CFAP47: variants seen among roughly 807,000 people sequenced by gnomAD.
CFAP47 encodes the protein cilia- and flagella-associated protein 47.
CFAP47 carries 29 observed loss-of-function variants against 148.1 expected under a neutral mutation model. That is an observed-to-expected ratio of 0.20 (90% CI 0.15 to 0.27). The LOEUF is 0.27. CFAP47 is among the 10% of genes least tolerant of loss of function. The probability of loss-of-function intolerance (pLI) is 1.00; values close to 1 mark genes in which losing one functional copy is unlikely to be tolerated. For synonymous variants in CFAP47, 664 were observed against 577.3 expected (o/e 1.15, Z -2.15); for missense variants, 1,872 against 1,697.5 (o/e 1.10, Z -1.81).
At chrX:36,096,837 T>A (rs1484705341) in intron 30 of CFAP47, among the ~76,000 whole-genome samples, 1 of 111,382 alleles carries the variant, frequency 9.0e-6, no homozygotes, top group Non-Finnish European at 1.9e-5. Flanking sequence ...TCCATTTACA[T>A]TCAATGCTAT....
rs146298634 is a variant in CFAP47 at position 35,927,997 on chromosome X, TTATATA to T, written c.401+1841_401+1846del. Among the ~76,000 whole-genome samples the T allele has an allele frequency of 3.3e-3, 340 of 102,957 alleles. 2 individuals are homozygous for T. The highest frequency in any genetic ancestry group is 0.011 in the African/African-American group (327 of 28,499). 89.4% of individuals were successfully genotyped at this position (102,957 alleles called of 115,157 possible). On this transcript the variant is annotated intron_variant, in intron 2 of 63. Transcript: ENST00000378653. ...TTTTATTGCTGAGTAGTATTCTATTTTATATATATATATATATGTATATATATATAT... is the reference window on the plus strand; with the variant it reads ...TTTTATTGCTGAGTAGTATTCTATTTTATATATATATGTATATATATATAT...
chrX:35,953,458 A>G (rs749050542), intron 6 of CFAP47, 134 bp from the exon 7 acceptor site: 60 of 469,463 alleles, frequency 1.3e-4, no homozygotes, highest in Non-Finnish European at 1.9e-4. Context: ...TGGATAATGG[A>G]TTACAGTTGT....
intron 38 of CFAP47, 61 bp from the exon 39 acceptor site, chrX:36,160,620 T>C (rs1939418362): frequency 3.5e-6 from 1 of 284,110 alleles, no homozygotes; most frequent in African/African-American, 2.8e-5. Context: ...TTATATTTTA[T>C]AATTCAGAAA....
intron 13 of CFAP47, among the ~76,000 whole-genome samples, chrX:35,974,304 A>G (rs1306438615): frequency 3.6e-5 from 4 of 111,778 alleles, no homozygotes; most frequent in Non-Finnish European, 7.5e-5. Flanking sequence ...AAGAAGTGCT[A>G]TACAATATAC....
intron 1 of CFAP47, 39 bp downstream of exon 1, chrX:35,920,087 G>C (rs749825592): frequency 6.1e-6 from 7 of 1,140,098 alleles, no homozygotes; most frequent in Non-Finnish European, 7.0e-6. Flanking sequence ...GACCTTGTGA[G>C]AGCGCCTCCT....
chrX:36,098,742 A>G (rs776469136), intron 30 of CFAP47, 51 bp from the exon 31 acceptor site: 8 of 607,373 alleles, frequency 1.3e-5, no homozygotes, highest in South Asian at 3.6e-5. Context: ...CAAATCATAT[A>G]TAGAACATGT....
At chrX:36,145,951 C>A (rs1347615899) in intron 36 of CFAP47, among the ~76,000 whole-genome samples, 3 of 110,072 alleles carry the variant, frequency 2.7e-5, no homozygotes, top group Non-Finnish European at 3.8e-5. Flanking sequence ...AAAGCCTCCT[C>A]TTCTTTGTGT....
At chrX:36,309,270 A>T (rs1941374889) in intron 55 of CFAP47, among the ~76,000 whole-genome samples, 1 of 111,052 alleles carries the variant, frequency 9.0e-6, no homozygotes, top group Non-Finnish European at 1.9e-5. Context: ...GTGGTTTTAC[A>T]ATCCAGCGTG....
Position 35,951,942 on chromosome X carries a change from T to C in CFAP47, c.1025T>C (p.Ile342Thr). 8.6e-7 allele frequency: 1 copy of C among 1,164,773 alleles called. No homozygotes were observed. Among genetic ancestry groups the C allele is most frequent in the Non-Finnish European group, 1.1e-6 (1 of 880,887 alleles). Residue 342 changes from isoleucine to threonine, a missense_variant, in exon 6 of 64, where the codon ATT (isoleucine) becomes ACT (threonine). Physicochemically the swap from Ile to Thr is moderately conservative, Grantham distance 89 (BLOSUM62 -1). Coordinates refer to ENST00000378653, the MANE Select transcript of CFAP47 (RefSeq NM_001304548.2). Reference sequence around the variant, plus strand: ...TTACAACCTTATCAAAAGACTGTAATTACATTTTGTTTCACCCCAAAGTAA... The same window carrying C: ...TTACAACCTTATCAAAAGACTGTAACTACATTTTGTTTCACCCCAAAGTAA... Reference protein sequence around the residue: ...GTLQPYQKTVITFCFTPKLMA... With the variant: ...GTLQPYQKTVTTFCFTPKLMA...
chrX:36,172,760 CT>C (rs1204648661), intron 39 of CFAP47, among the ~76,000 whole-genome samples: 1 of 111,275 alleles, frequency 9.0e-6, no homozygotes, highest in African/African-American at 3.3e-5. Context: ...CTAAAATTCT[CT>C]TTTTTGGTTG....
intron 21 of CFAP47, among the ~76,000 whole-genome samples, chrX:36,013,199 A>G (rs1937059164): frequency 9.0e-6 from 1 of 111,405 alleles, no homozygotes; most frequent in Non-Finnish European, 1.9e-5. Flanking sequence ...TTTCTCTTTG[A>G]TGCAGACTCT....
At chrX:35,978,969 T>C (rs1025301892) in intron 15 of CFAP47, among the ~76,000 whole-genome samples, 1 of 111,219 alleles carries the variant, frequency 9.0e-6, no homozygotes, top group African/African-American at 3.3e-5. Context: ...TAAGAGTGGA[T>C]TGATATTTTC....
chrX:36,319,485 T>C (rs1941461584), intron 57 of CFAP47, among the ~76,000 whole-genome samples, 178 bp downstream of exon 57: 1 of 110,078 alleles, frequency 9.1e-6, no homozygotes, highest in African/African-American at 3.3e-5. Flanking sequence ...CATATATATA[T>C]ATATATATTA....
At chrX:36,032,145 T>A (rs2146719835) in intron 23 of CFAP47, among the ~76,000 whole-genome samples, 1 of 111,390 alleles carries the variant, frequency 9.0e-6, no homozygotes, top group African/African-American at 3.2e-5. Context: ...AAGGCAACTT[T>A]AATTAACTGA....
chrX:36,138,510 C>A (rs1939085663), intron 35 of CFAP47, 46 bp downstream of exon 35: 2 of 1,081,412 alleles, frequency 1.8e-6, no homozygotes, highest in African/African-American at 2.0e-5. Flanking sequence ...TTATAAATTT[C>A]TTTTGATAGC....
At chrX:35,964,895 C>G (rs1398152990) in intron 8 of CFAP47, among the ~76,000 whole-genome samples, 1 of 111,046 alleles carries the variant, frequency 9.0e-6, no homozygotes, top group Non-Finnish European at 1.9e-5. Flanking sequence ...ACCTGTTTCC[C>G]TTCAGTTCTT....
chrX:35,929,758 G>A (rs1274480272), intron 2 of CFAP47, among the ~76,000 whole-genome samples: 1 of 111,205 alleles, frequency 9.0e-6, no homozygotes, highest in African/African-American at 3.3e-5. Flanking sequence ...CAGCACCTCG[G>A]GAGGCTGAGG....
intron 57 of CFAP47, among the ~76,000 whole-genome samples, chrX:36,324,653 A>G (rs1286829863): frequency 1.8e-5 from 2 of 111,615 alleles, no homozygotes; most frequent in Admixed American, 1.9e-4. Context: ...CACTAAAACT[A>G]TGTACAAATA....
intron 33 of CFAP47, among the ~76,000 whole-genome samples, chrX:36,126,323 A>G (rs1474994756): frequency 9.0e-6 from 1 of 110,556 alleles, no homozygotes; most frequent in African/African-American, 3.3e-5. Context: ...TTCAAGTCCC[A>G]CTTATGTGTG....
Sources: allele counts gnomAD v4.1 joint callset (sites outside exome capture counted in the v4.1 genomes callset), GRCh38; gene constraint gnomAD v4.1.1; transcripts MANE v1.5; gene names NCBI Gene and HGNC (gene_info 2026-07-23, HGNC 2026-07-21).